RORB: variants seen among roughly 807,000 people sequenced by gnomAD.
RORB encodes the protein nuclear receptor ROR-beta.
A neutral mutation model predicts 59.1 loss-of-function variants in RORB; 6 were observed. The ratio of observed to expected loss-of-function variants is 0.10; its 90% CI spans 0.06 to 0.20. The LOEUF (loss-of-function observed/expected upper bound fraction) is 0.20, where lower values mean the gene tolerates loss of function less well. Among genes scored for constraint, RORB ranks in the 10% least tolerant of loss-of-function variants. The probability of loss-of-function intolerance (pLI) is 1.00; values close to 1 mark genes in which losing one functional copy is unlikely to be tolerated. For missense variants in RORB, 320 were observed against 560.5 expected (o/e 0.57, Z 4.33); for synonymous variants, 215 against 204.5 (o/e 1.05, Z -0.44).
chr9:74,604,779 C>T (rs1246435880), intron 1 of RORB, among the ~76,000 whole-genome samples: 5 of 152,184 alleles, frequency 3.3e-5, no homozygotes, highest in African/African-American at 9.6e-5. Flanking sequence ...TGAAGATTCC[C>T]CAGGCTTTGT....
At chr9:74,664,510 A>AT (rs1361006087) in intron 6 of RORB, among the ~76,000 whole-genome samples, 1 of 152,236 alleles carries the variant, frequency 6.6e-6, no homozygotes, top group Non-Finnish European at 1.5e-5. Flanking sequence ...AGGAGCAAAG[A>AT]TAAAAAATGA....
At chr9:74,545,723 T>C (rs1421077229) in intron 1 of RORB, among the ~76,000 whole-genome samples, 1 of 152,124 alleles carries the variant, frequency 6.6e-6, no homozygotes, top group Non-Finnish European at 1.5e-5. Flanking sequence ...CTTCAAACAG[T>C]CTTTTTGGAG....
intron 9 of RORB, among the ~76,000 whole-genome samples, chr9:74,677,793 A>G (rs958412884): frequency 1.3e-5 from 2 of 152,248 alleles, no homozygotes; most frequent in Admixed American, 1.3e-4. Context: ...GTATTAATAC[A>G]ACATCATAGC....
intron 1 of RORB, among the ~76,000 whole-genome samples, chr9:74,606,617 G>A (rs1823153257): frequency 6.6e-6 from 1 of 152,146 alleles, no homozygotes; most frequent in Non-Finnish European, 1.5e-5. Context: ...ACATTTTTAA[G>A]TAATTTACTA....
intron 9 of RORB, among the ~76,000 whole-genome samples, chr9:74,679,063 A>C (rs1051290987): frequency 2.0e-5 from 3 of 151,604 alleles, no homozygotes; most frequent in African/African-American, 4.8e-5. Flanking sequence ...ACAAACAAAA[A>C]AAAAAACAAA....
At chr9:74,612,722 G>A (rs1301982013) in intron 1 of RORB, among the ~76,000 whole-genome samples, 1 of 152,082 alleles carries the variant, frequency 6.6e-6, no homozygotes, top group African/African-American at 2.4e-5. Context: ...TATGAATGGT[G>A]CCTATTAATT....
intron 1 of RORB, among the ~76,000 whole-genome samples, chr9:74,588,645 T>G (rs1198417605): frequency 6.6e-6 from 1 of 152,326 alleles, no homozygotes; most frequent in East Asian, 1.9e-4. Flanking sequence ...CGGTTAACTT[T>G]TCTTCTGAAA....
chr9:74,520,566 T>C (rs1008255557), intron 1 of RORB, among the ~76,000 whole-genome samples: 2 of 151,970 alleles, frequency 1.3e-5, no homozygotes, highest in Admixed American at 1.3e-4. Context: ...AGGTTCTTTT[T>C]TAATTTTTTT....
chr9:74,662,228 A>T (rs1824199393), intron 5 of RORB, among the ~76,000 whole-genome samples: 1 of 152,214 alleles, frequency 6.6e-6, no homozygotes, highest in African/African-American at 2.4e-5. Context: ...TACTTACTAT[A>T]AACAATGTTG....
At chr9:74,517,313 G>A (rs552817478) in intron 1 of RORB, among the ~76,000 whole-genome samples, 6 of 151,836 alleles carry the variant, frequency 4.0e-5, no homozygotes, top group East Asian at 1.9e-4. Context: ...CTGCTGTAAC[G>A]AAAGGTACTG....
Position 74,568,742 on chromosome 9 carries a change from G to A in RORB, c.8-61540G>A, listed in dbSNP as rs554517366. Among the ~76,000 whole-genome samples the A allele has an allele frequency of 2.0e-5, 3 of 150,544 alleles. No homozygotes were observed. In the East Asian group the frequency reaches 5.9e-4, roughly 29 times the overall value. On this transcript the variant is annotated intron_variant, in intron 1 of 9. Coordinates refer to ENST00000376896, the MANE Select transcript of RORB (RefSeq NM_006914.4). ...AAAAAAGAAAATTAACTGGAAGTTT[G>A]TCTTTAAAAATATTACAATAGTTTG...
intron 1 of RORB, among the ~76,000 whole-genome samples, chr9:74,534,546 G>A (rs565798719): frequency 1.4e-4 from 21 of 152,122 alleles, no homozygotes; most frequent in African/African-American, 3.1e-4. Context: ...TGGCACCAGA[G>A]TGATGGCTTC....
chr9:74,633,538 T>A (rs545747621), intron 2 of RORB, among the ~76,000 whole-genome samples: 2 of 152,230 alleles, frequency 1.3e-5, no homozygotes, highest in African/African-American at 4.8e-5. Context: ...TTTCCTTTTT[T>A]GCTCTAGACA....
At position 74,573,287 on chromosome 9, in the gene RORB, GA is replaced by G. The variant is rs1347810557; in HGVS notation, c.8-56994del. Among the ~76,000 whole-genome samples the G allele has an allele frequency of 1.4e-4, 22 of 152,064 alleles. No individual in the cohort carries two copies. In the East Asian group the frequency reaches 4.3e-3, roughly 29 times the overall value. On this transcript the variant is annotated intron_variant, in intron 1 of 9. Coordinates refer to ENST00000376896, the MANE Select transcript of RORB (RefSeq NM_006914.4). Reference sequence around the variant, plus strand: ...AGGGGGTTGCACATCAGATATCAATGAGGGGCCAATCAGCCACTTGTGCATG... The same window carrying G: ...AGGGGGTTGCACATCAGATATCAATGGGGGCCAATCAGCCACTTGTGCATG...
At chr9:74,586,181 G>T (rs1426809038) in intron 1 of RORB, among the ~76,000 whole-genome samples, 4 of 152,030 alleles carry the variant, frequency 2.6e-5, no homozygotes, top group Non-Finnish European at 5.9e-5. Context: ...ATAAAATCTA[G>T]AGTTAACAGA....
At chr9:74,585,943 T>C (rs930779700) in intron 1 of RORB, among the ~76,000 whole-genome samples, 21 of 151,770 alleles carry the variant, frequency 1.4e-4, no homozygotes, top group South Asian at 4.2e-4. Flanking sequence ...TACAGGCGCG[T>C]GCCACCATGC....
At chr9:74,559,885 T>C (rs1822367775) in intron 1 of RORB, among the ~76,000 whole-genome samples, 1 of 152,168 alleles carries the variant, frequency 6.6e-6, no homozygotes, top group Admixed American at 6.5e-5. Flanking sequence ...GAGTTAGGAC[T>C]CTCAGGATAT....
chr9:74,507,517 T>A (rs1825886124), intron 1 of RORB, among the ~76,000 whole-genome samples: 1 of 152,102 alleles, frequency 6.6e-6, no homozygotes, highest in Non-Finnish European at 1.5e-5. Context: ...GTGCTTCGTA[T>A]GAGTTTGTAA....
chr9:74,690,138 C>T lies in RORB; in HGVS notation c.*4520C>T, dbSNP rs1241495710. The T allele has an allele frequency of 6.6e-6, 1 of 152,146 alleles. No homozygotes were observed. Among genetic ancestry groups the T allele is most frequent in the Non-Finnish European group, 1.5e-5 (1 of 68,040 alleles). The allele number at this position is 152,146 out of a possible 1,614,324, so 9.4% of individuals were successfully genotyped here. A position where few individuals can be genotyped will look rare whatever the true frequency, so the allele number is the denominator to read the frequency against. ...TAAAGAAGAGAGGAAAGCCTACCAT[C>T]TGCTTTAGACGAAGTGTTATTTGAT... is the stretch of plus-strand genomic sequence containing the variant. On this transcript the variant is annotated 3_prime_UTR_variant, in exon 10 of 10. Transcript: ENST00000376896.
Sources: allele counts gnomAD v4.1 joint callset (sites outside exome capture counted in the v4.1 genomes callset), GRCh38; gene constraint gnomAD v4.1.1; transcripts MANE v1.5; gene names NCBI Gene and HGNC (gene_info 2026-07-23, HGNC 2026-07-21).